Variants in TNPO1 observed in about 807,000 individuals in gnomAD.
The protein encoded by TNPO1 is transportin-1.
Under a neutral mutation model 119.5 loss-of-function variants are expected in TNPO1, and 8 were observed. The observed-to-expected ratio is 0.07, with a 90% confidence interval of 0.04 to 0.12. The LOEUF (loss-of-function observed/expected upper bound fraction) is 0.12, where lower values mean the gene tolerates loss of function less well. TNPO1 is among the 10% of genes least tolerant of loss of function. TNPO1 has a pLI of 1.00. For missense variants in TNPO1, 576 were observed against 1,089.8 expected (o/e 0.53, Z 6.64); for synonymous variants, 362 against 363.0 (o/e 1.00, Z 0.03).
At chr5:72,864,117 C>T (rs1746698236) in intron 5 of TNPO1, among the ~76,000 whole-genome samples, 1 of 151,590 alleles carries the variant, frequency 6.6e-6, no homozygotes, top group Non-Finnish European at 1.5e-5. Flanking sequence ...ATGTAATAGG[C>T]TTTCAGAAGT....
intron 8 of TNPO1, among the ~76,000 whole-genome samples, chr5:72,876,184 A>G (rs185346749): frequency 8.3e-4 from 127 of 152,358 alleles, no homozygotes; most frequent in African/African-American, 3.0e-3. Context: ...GCTTGGTCAC[A>G]GCTGGGGAGC....
chr5:72,831,147 A>G (rs1744438727), intron 1 of TNPO1, among the ~76,000 whole-genome samples: 1 of 152,040 alleles, frequency 6.6e-6, no homozygotes, highest in African/African-American at 2.4e-5. Flanking sequence ...TTAGTTTTTT[A>G]CTTAACATAT....
chr5:72,905,210 T>G, intron 23 of TNPO1, 93 bp from the exon 24 acceptor site: 1 of 931,760 alleles, frequency 1.1e-6, no homozygotes, highest in Non-Finnish European at 1.6e-6. Flanking sequence ...GGATAAAATT[T>G]ATAAAAAAAT....
chr5:72,903,375 C>G (rs1055928344), intron 22 of TNPO1, among the ~76,000 whole-genome samples: 1 of 151,944 alleles, frequency 6.6e-6, no homozygotes, highest in African/African-American at 2.4e-5. Flanking sequence ...TTCTTTAATC[C>G]GGTAAATGAA....
intron 11 of TNPO1, among the ~76,000 whole-genome samples, chr5:72,884,396 G>A (rs1331716287): frequency 6.6e-6 from 1 of 152,064 alleles, no homozygotes; most frequent in African/African-American, 2.4e-5. Flanking sequence ...ATTGCCACAA[G>A]CTTTTTTGGT....
At chr5:72,888,893 G>A (rs183961566) in intron 13 of TNPO1, among the ~76,000 whole-genome samples, 2 of 152,252 alleles carry the variant, frequency 1.3e-5, no homozygotes, top group East Asian at 3.9e-4. Flanking sequence ...TATCAAGCCA[G>A]CAGTTGCTTT....
chr5:72,871,975 A>G (rs1747439308), intron 6 of TNPO1: 1 of 152,192 alleles, frequency 6.6e-6, no homozygotes, highest in Non-Finnish European at 1.5e-5. Flanking sequence ...ATAAAGCTTA[A>G]AATATTTACT....
chr5:72,903,839 A>G, intron 23 of TNPO1, 56 bp downstream of exon 23: 1 of 1,199,166 alleles, frequency 8.3e-7, no homozygotes, highest in South Asian at 1.4e-5. Flanking sequence ...TCCTAGTGGA[A>G]AACTTTAAAT....
In TNPO1 at chr5:72,852,676, T is replaced by A. The variant is rs142464873; in HGVS notation, c.205+1357T>A. Among the ~76,000 whole-genome samples the A allele has an allele frequency of 2.0e-3, 303 of 152,328 alleles. 3 individuals are homozygous for A. Among genetic ancestry groups the A allele is most frequent in the African/African-American group, 7.0e-3 (293 of 41,572 alleles). ...AAATTCTGACAGGTTAATAGTGTTA[T>A]TGTGTAGTAAAAACTCACTGATTTG... On this transcript the variant is annotated intron_variant, in intron 3 of 24. Transcript: ENST00000337273.
chr5:72,900,909 C>G, intron 21 of TNPO1, 65 bp from the exon 22 acceptor site: 1 of 1,052,614 alleles, frequency 9.5e-7, no homozygotes, highest in Non-Finnish European at 1.4e-6. Context: ...TAAATACTGT[C>G]CATTAGTATT....
Position 72,914,016 on chromosome 5 carries a change from C to CT in TNPO1, c.*5346dup, listed in dbSNP as rs1194689540. 36 of 152,650 alleles carry CT rather than the reference C, an allele frequency of 2.4e-4. No individual in the cohort carries two copies. The highest frequency in any genetic ancestry group is 4.0e-4 in the Non-Finnish European group (27 of 67,972). The allele number at this position is 152,650 out of a possible 1,614,324, so 9.5% of individuals were successfully genotyped here. ...GCTTTAGTTACAAATATAACTGGAT[C>CT]TTTCTGCTGACAACTTAGGTTGTAT... On this transcript the variant is annotated 3_prime_UTR_variant, in exon 25 of 25. Transcript: ENST00000337273.
In TNPO1 at chr5:72,891,967, TAAGAA is replaced by T. The variant is rs531824609; in HGVS notation, c.1788+75_1788+79del. ...TCAAATCCAAAATGGGTATATATGATAAGAAAAGTGTTAATAAATTTATATTCTGA... is the reference window on the plus strand; with the variant it reads ...TCAAATCCAAAATGGGTATATATGATAAGTGTTAATAAATTTATATTCTGA... On this transcript the variant is annotated intron_variant, in intron 15 of 24. Coordinates refer to ENST00000337273, the MANE Select transcript of TNPO1 (RefSeq NM_002270.4). 165 of 1,146,760 alleles carry T rather than the reference TAAGAA, an allele frequency of 1.4e-4. No individual in the cohort carries two copies. In the African/African-American group the frequency reaches 2.3e-3, roughly 16 times the overall value. The allele number at this position is 1,146,760 out of a possible 1,614,324, so 71.0% of individuals were successfully genotyped here. A position where few individuals can be genotyped will look rare whatever the true frequency, so the allele number is the denominator to read the frequency against.
intron 1 of TNPO1, among the ~76,000 whole-genome samples, chr5:72,843,380 G>C (rs1744995052): frequency 1.3e-5 from 2 of 152,040 alleles, no homozygotes. Flanking sequence ...GATCACTTGA[G>C]GTCAGGAGTT....
chr5:72,826,527 T>C (rs531150939), intron 1 of TNPO1, among the ~76,000 whole-genome samples: 1 of 150,818 alleles, frequency 6.6e-6, no homozygotes, highest in South Asian at 2.1e-4. Flanking sequence ...CTTTGTTTTA[T>C]TTTTTGCTGT....
At chr5:72,868,626 G>A (rs1427201735) in intron 6 of TNPO1, among the ~76,000 whole-genome samples, 1 of 152,028 alleles carries the variant, frequency 6.6e-6, no homozygotes, top group Non-Finnish European at 1.5e-5. Flanking sequence ...TGCGTGCATA[G>A]GTGTATTAAT....
intron 19 of TNPO1, 77 bp downstream of exon 19, chr5:72,896,633 G>A: frequency 8.9e-7 from 1 of 1,128,552 alleles, no homozygotes. Context: ...ACTTCGGGAG[G>A]CTGAGGCGGG....
intron 11 of TNPO1, among the ~76,000 whole-genome samples, chr5:72,886,829 C>T (rs1032416337): frequency 1.5e-5 from 2 of 135,314 alleles, no homozygotes; most frequent in African/African-American, 5.6e-5. Context: ...GCAGAGGTTG[C>T]AGTGAGCCAA....
rs1156447714 is a variant in TNPO1, at chr5:72,912,332, T to C, written c.*3659T>C. 6.6e-6 allele frequency: 1 copy of C among 152,488 alleles called. No homozygotes were observed. Among genetic ancestry groups the C allele is most frequent in the Non-Finnish European group, 1.5e-5 (1 of 67,920 alleles). 9.4% of individuals were successfully genotyped at this position (152,488 alleles called of 1,614,324 possible). ...GTTAAGACTTTTTCATTGATCTGAA[T>C]TGCTTAAATTGCATATATTGTAAAA... On this transcript the variant is annotated 3_prime_UTR_variant, in exon 25 of 25. Transcript: ENST00000337273.
At position 72,855,880 on chromosome 5, in the gene TNPO1, A is replaced by G. The variant is rs745312757; in HGVS notation, c.312A>G (p.Leu104=). ...GVTDFIKSEC[L]NNIGDSSPLI... is the part of the protein sequence containing the mutation. The stretch of plus-strand genomic sequence containing the variant: ...CAGACTTTATTAAAAGTGAATGTTT[A>G]AATAATATTGGTGACTCCTCTCCTC... Residue 104 remains leucine, a synonymous_variant, in exon 4 of 25, where the codon TTA becomes TTG. Transcript: ENST00000337273. 5 of 1,613,418 alleles carry G rather than the reference A, an allele frequency of 3.1e-6. No individual in the cohort carries two copies. Among genetic ancestry groups the G allele is most frequent in the Non-Finnish European group, 4.2e-6 (5 of 1,179,590 alleles).
Sources: gnomAD v4.1 joint callset for allele counts (sites outside exome capture counted in the v4.1 genomes callset) on GRCh38, gnomAD v4.1.1 for gene constraint, MANE v1.5 for transcripts, NCBI Gene and HGNC (gene_info 2026-07-23, HGNC 2026-07-21) for gene names.